The following TTC38 variants were observed in gnomAD, a reference collection of about 807,000 sequenced individuals.
TTC38 encodes the protein tetratricopeptide repeat domain 38.
Under a neutral mutation model 64.2 loss-of-function variants are expected in TTC38, and 64 were observed. The observed-to-expected ratio is 1.00, with a 90% confidence interval of 0.81 to 1.23. The LOEUF is 1.23. TTC38 is among the 50% of genes most tolerant of loss of function. TTC38 has a pLI of 0.00. For missense variants in TTC38, 573 were observed against 615.5 expected (o/e 0.93, Z 0.73); for synonymous variants, 254 against 249.3 (o/e 1.02, Z -0.18).
intron 11 of TTC38, 139 bp downstream of exon 11, chr22:46,288,727 C>G: frequency 1.2e-6 from 1 of 801,272 alleles, no homozygotes; most frequent in East Asian, 2.6e-5. Context: ...AGGCAGCTCC[C>G]AGGTGTGCAC....
chr22:46,278,531 C>G, intron 5 of TTC38, 55 bp from the exon 6 acceptor site: 1 of 1,480,064 alleles, frequency 6.8e-7, no homozygotes, highest in South Asian at 1.1e-5. Context: ...GGACACAGTT[C>G]AACCTGCTAC....
At chr22:46,289,249 C>G (rs2077594114) in intron 11 of TTC38, among the ~76,000 whole-genome samples, 153 bp from the exon 12 acceptor site, 1 of 152,000 alleles carries the variant, frequency 6.6e-6, no homozygotes, top group Non-Finnish European at 1.5e-5. Flanking sequence ...GTCCTGTCCC[C>G]TCGATGGGCT....
chr22:46,274,897 C>T lies in TTC38; in HGVS notation c.366-351C>T, dbSNP rs1453146496. On this transcript the variant is annotated intron_variant, in intron 4 of 13. Coordinates refer to ENST00000381031, the MANE Select transcript of TTC38 (RefSeq NM_017931.4). This position sits in a 1 kb window ranked among gnomAD's most constrained non-coding sequence, Gnocchi z 4.8. ...CTGGAATGCAGTGGCGCAATCTCGG[C>T]TCACTGCCTCCACCTCCCGGGTTCA... 1.3e-5 allele frequency among the ~76,000 whole-genome samples: 2 copies of T among 152,154 alleles called. No individual in the cohort carries two copies. The highest frequency in any genetic ancestry group is 2.9e-5 in the Non-Finnish European group (2 of 68,034).
At chr22:46,290,706 A>C (rs2077609543) in intron 13 of TTC38, among the ~76,000 whole-genome samples, 2 of 151,010 alleles carry the variant, frequency 1.3e-5, no homozygotes, top group African/African-American at 4.9e-5. Context: ...GAGTGTCAGG[A>C]GGGTGGCATA....
At chr22:46,289,952 A>C in intron 13 of TTC38, 53 bp downstream of exon 13, 1 of 1,508,860 alleles carries the variant, frequency 6.6e-7, no homozygotes, top group Non-Finnish European at 9.2e-7. Flanking sequence ...CTCTCCCTGC[A>C]GACCTCAGGA....
intron 6 of TTC38, among the ~76,000 whole-genome samples, chr22:46,279,449 T>TGCCTAAGACC (rs2077517331): frequency 6.6e-6 from 1 of 152,162 alleles, no homozygotes; most frequent in Non-Finnish European, 1.5e-5. Flanking sequence ...AGGCCAAGGC[T>TGCCTAAGACC]AGAGCCTGCC....
intron 2 of TTC38, chr22:46,269,336 A>C (rs762510251): frequency 1.0e-5 from 2 of 193,882 alleles, no homozygotes; most frequent in Non-Finnish European, 2.4e-5. Flanking sequence ...CTTCTGCCAC[A>C]TTACCAGTCA....
chr22:46,277,175 T>C (rs909335632), intron 5 of TTC38, among the ~76,000 whole-genome samples: 1 of 151,836 alleles, frequency 6.6e-6, no homozygotes, highest in African/African-American at 2.4e-5. Context: ...TGCAAAGTAA[T>C]GAAGCTAACA....
intron 8 of TTC38, 105 bp downstream of exon 8, chr22:46,284,137 G>C: frequency 2.2e-6 from 2 of 903,826 alleles, no homozygotes; most frequent in Non-Finnish European, 3.5e-6. Context: ...GAGCCCTGAT[G>C]CAATGGAGCA....
rs187291626 is a variant in TTC38 at position 46,273,729 on chromosome 22, A to G, written c.194-169A>G. ...CTTGCAGTTCCCTCCATGCTTGACAAGAGCCGAGGCTGAGTTCTAGACAGT... is the reference window on the plus strand; with the variant it reads ...CTTGCAGTTCCCTCCATGCTTGACAGGAGCCGAGGCTGAGTTCTAGACAGT... On this transcript the variant is annotated intron_variant, in intron 3 of 13. Transcript: ENST00000381031. The surrounding 1 kb of genome is among the most constrained non-coding windows in gnomAD (Gnocchi z 5.1). Among the ~76,000 whole-genome samples the G allele has an allele frequency of 2.6e-5, 4 of 152,350 alleles. No individual in the cohort carries two copies. Among genetic ancestry groups the G allele is most frequent in the African/African-American group, 9.6e-5 (4 of 41,592 alleles).
chr22:46,287,031 TG>T, intron 9 of TTC38, 41 bp from the exon 10 acceptor site: 1 of 1,526,102 alleles, frequency 6.6e-7, no homozygotes, highest in Non-Finnish European at 8.9e-7. Flanking sequence ...CCCCATCATC[TG>T]GGCCACCCGC....
intron 1 of TTC38, 79 bp downstream of exon 1, chr22:46,268,151 G>C (rs1936803574): frequency 1.4e-6 from 2 of 1,464,684 alleles, no homozygotes; most frequent in African/African-American, 1.4e-5. Flanking sequence ...GGAATAACGG[G>C]AGACATGGCC....
In TTC38 at chr22:46,292,857, G is replaced by A. The variant is rs746298137; in HGVS notation, c.1383G>A (p.Lys461=). ...NSPLTERLIR[K]AATVHLMQ is the part of the protein sequence containing the mutation. ...CCCTGACCGAGCGGCTCATCCGCAAGGCAGCTACCGTCCACCTCATGCAGT... is the reference window on the plus strand; with the variant it reads ...CCCTGACCGAGCGGCTCATCCGCAAAGCAGCTACCGTCCACCTCATGCAGT... Residue 461 remains lysine, a synonymous_variant, in exon 14 of 14, where the codon AAG becomes AAA. Transcript: ENST00000381031. This position sits in a 1 kb window ranked among gnomAD's most constrained non-coding sequence, Gnocchi z 6.5. 1 of 1,613,894 alleles carries A rather than the reference G, an allele frequency of 6.2e-7. No homozygotes were observed.
intron 11 of TTC38, among the ~76,000 whole-genome samples, 187 bp downstream of exon 11, chr22:46,288,775 G>T (rs531493823): frequency 5.9e-5 from 9 of 152,244 alleles, no homozygotes; most frequent in African/African-American, 9.6e-5. Context: ...GACCCCCAAG[G>T]TGTGTACACC....
At position 46,275,320 on chromosome 22, in the gene TTC38, A is replaced by G; in HGVS notation, c.438A>G (p.Lys146=). ...ACCCGACAGACATGTTGGCCCTGAAATTTTCCCATGATGCTTATTTTTACC... is the reference window on the plus strand; with the variant it reads ...ACCCGACAGACATGTTGGCCCTGAAGTTTTCCCATGATGCTTATTTTTACC... ...QDHPTDMLAL[K]FSHDAYFYLG... is the part of the protein sequence containing the mutation. The change falls in exon 5 of 14, where the codon AAA becomes AAG. Residue 146 remains lysine (K), a synonymous_variant. Transcript: ENST00000381031. This position sits in a 1 kb window ranked among gnomAD's most constrained non-coding sequence, Gnocchi z 4.5. The G allele has an allele frequency of 6.2e-7, 1 of 1,613,934 alleles. No homozygotes were observed. The highest frequency in any genetic ancestry group is 8.5e-7 in the Non-Finnish European group (1 of 1,180,012).
rs2077587278 is a variant in TTC38, at chr22:46,288,474, A to G, written c.968A>G (p.His323Arg). ...GATGTCCTGCCTGTGGCCCGGAAGC[A>G]CAGCCGAGACCACATCCTGCTGTTC... is the stretch of plus-strand genomic sequence containing the variant. ...WQDVLPVARKHSRDHILLFND... is the reference protein window; with the variant it reads ...WQDVLPVARKRSRDHILLFND... Residue 323 changes from histidine to arginine, a missense_variant, in exon 11 of 14, where the codon CAC becomes CGC. Around this residue, in one of 3 missense-constraint regions of TTC38, gnomAD observed 371 missense variants for 381.8 expected, o/e 0.97. Coordinates refer to ENST00000381031, the MANE Select transcript of TTC38 (RefSeq NM_017931.4). The G allele has an allele frequency of 6.2e-7, 1 of 1,613,850 alleles. No homozygotes were observed. The highest frequency in any genetic ancestry group is 1.3e-5 in the African/African-American group (1 of 74,906).
chr22:46,290,434 C>T (rs2147802924), intron 13 of TTC38, among the ~76,000 whole-genome samples: 1 of 137,458 alleles, frequency 7.3e-6, no homozygotes, highest in Middle Eastern at 3.8e-3. Flanking sequence ...CCCGAAACCA[C>T]AGTGGGTTTA....
rs201157394 is a variant in TTC38, at chr22:46,289,881, T to C, written c.1298T>C (p.Val433Ala). The C allele has an allele frequency of 5.6e-6, 9 of 1,614,154 alleles. No individual in the cohort carries two copies. The African/African-American group carries it at 1.1e-4, about 19-fold the overall frequency. Residue 433 changes from valine to alanine, a missense_variant, in exon 13 of 14, where the codon GTC becomes GCC. Around this residue, in one of 3 missense-constraint regions of TTC38, gnomAD observed 371 missense variants for 381.8 expected, o/e 0.97. Coordinates refer to ENST00000381031, the MANE Select transcript of TTC38 (RefSeq NM_017931.4). Reference protein sequence around the residue: ...IHAALNCTSSVHKNVARSLLM... With the variant: ...IHAALNCTSSAHKNVARSLLM... Reference sequence around the variant, plus strand: ...GCGGCCTTAAACTGCACCTCCAGCGTCCATAAGAACGTAGCCCGGTGAGCT... The same window carrying C: ...GCGGCCTTAAACTGCACCTCCAGCGCCCATAAGAACGTAGCCCGGTGAGCT...
chr22:46,275,206 CTA>C lies in TTC38; in HGVS notation c.366-40_366-39del, dbSNP rs752731598. ...CTCTTACACTCCCTGTGTGGGTGGACTATGTGTTCAGCGTTGGTGAGAAATCT... is the reference window on the plus strand; with the variant it reads ...CTCTTACACTCCCTGTGTGGGTGGACTGTGTTCAGCGTTGGTGAGAAATCT... On this transcript the variant is annotated intron_variant, in intron 4 of 13. Coordinates refer to ENST00000381031, the MANE Select transcript of TTC38 (RefSeq NM_017931.4). This position sits in a 1 kb window ranked among gnomAD's most constrained non-coding sequence, Gnocchi z 4.5. 2 of 1,581,356 alleles carry C rather than the reference CTA, an allele frequency of 1.3e-6. No individual in the cohort carries two copies. The highest frequency in any genetic ancestry group is 4.5e-5 in the East Asian group (2 of 44,670).
Sources: gnomAD v4.1 joint callset for allele counts (sites outside exome capture counted in the v4.1 genomes callset) on GRCh38, gnomAD v4.1.1 for gene constraint, gnomAD v4.1.1 regional missense constraint, Gnocchi (gnomAD v3.1) non-coding constraint, MANE v1.5 for transcripts, NCBI Gene and HGNC (gene_info 2026-07-23, HGNC 2026-07-21) for gene names.